The following MEOX2 variants were observed in gnomAD, a reference collection of about 807,000 sequenced individuals.
The protein encoded by MEOX2 is homeobox protein MOX-2.
Under a neutral mutation model 27.0 loss-of-function variants are expected in MEOX2, and 11 were observed. The observed-to-expected ratio is 0.41, with a 90% confidence interval of 0.26 to 0.68. MEOX2 has a LOEUF of 0.68. MEOX2 is among the 30% of genes least tolerant of loss of function. The pLI, the probability that MEOX2 is intolerant of heterozygous loss-of-function variation, is 0.33. For synonymous variants in MEOX2, 189 were observed against 155.4 expected, an observed-to-expected ratio of 1.22 and a Z score of -1.61; for missense variants, 436 against 385.4, an observed-to-expected ratio of 1.13 and a Z score of -1.10.
intron 2 of MEOX2, among the ~76,000 whole-genome samples, chr7:15,618,087 A>G (rs959066858): frequency 6.6e-6 from 1 of 152,024 alleles, no homozygotes; most frequent in African/African-American, 2.4e-5. Context: ...TTCACATGAT[A>G]AAGCAAAGTG....
chr7:15,676,315 A>C (rs1478354973), intron 1 of MEOX2, among the ~76,000 whole-genome samples: 2 of 152,204 alleles, frequency 1.3e-5, no homozygotes, highest in African/African-American at 4.8e-5. Context: ...TGTGGGACAT[A>C]CATGTTTTCA....
chr7:15,630,124 C>T (rs1781379068), intron 1 of MEOX2, among the ~76,000 whole-genome samples: 1 of 151,964 alleles, frequency 6.6e-6, no homozygotes, highest in Non-Finnish European at 1.5e-5. Flanking sequence ...TTTAATGCAC[C>T]TGTGGGTCCA....
At chr7:15,639,081 TTTACATTCCCA>T (rs1165620568) in intron 1 of MEOX2, among the ~76,000 whole-genome samples, 1 of 152,122 alleles carries the variant, frequency 6.6e-6, no homozygotes, top group Non-Finnish European at 1.5e-5. Context: ...TATAAGCTAA[TTTACATTCCCA>T]CCAACGGTGT....
At chr7:15,623,635 G>T (rs1306106940) in intron 2 of MEOX2, among the ~76,000 whole-genome samples, 1 of 152,184 alleles carries the variant, frequency 6.6e-6, no homozygotes, top group African/African-American at 2.4e-5. Context: ...TTCCCAAAGT[G>T]CTGGGACAAG....
chr7:15,621,782 G>A (rs1252693707), intron 2 of MEOX2, among the ~76,000 whole-genome samples: 1 of 152,158 alleles, frequency 6.6e-6, no homozygotes, highest in African/African-American at 2.4e-5. Flanking sequence ...AGTTCTGATT[G>A]TAAAGTAAGT....
At chr7:15,625,947 A>G (rs1781296733) in intron 2 of MEOX2, among the ~76,000 whole-genome samples, 1 of 152,200 alleles carries the variant, frequency 6.6e-6, no homozygotes. Context: ...CTGAGTGGGT[A>G]GCAGAATTTT....
intron 1 of MEOX2, among the ~76,000 whole-genome samples, chr7:15,632,937 G>T (rs1781424708): frequency 6.6e-6 from 1 of 151,896 alleles, no homozygotes; most frequent in South Asian, 2.1e-4. Flanking sequence ...ACTTCTCAAA[G>T]GTCATCATTT....
intron 1 of MEOX2, among the ~76,000 whole-genome samples, chr7:15,645,459 T>C (rs1781626559): frequency 1.3e-5 from 2 of 152,194 alleles, no homozygotes; most frequent in South Asian, 4.1e-4. Flanking sequence ...AGACATGGGC[T>C]CATACCAGTG....
At chr7:15,618,415 TTCTGAG>T (rs1781157663) in intron 2 of MEOX2, among the ~76,000 whole-genome samples, 1 of 152,044 alleles carries the variant, frequency 6.6e-6, no homozygotes, top group Non-Finnish European at 1.5e-5. Context: ...AATTTGTATA[TTCTGAG>T]CCACTACTTC....
intron 1 of MEOX2, among the ~76,000 whole-genome samples, chr7:15,660,939 G>C (rs1310701132): frequency 6.8e-6 from 1 of 148,138 alleles, no homozygotes; most frequent in Admixed American, 6.8e-5. Flanking sequence ...CTTGAACTCG[G>C]GAGGTGGATG....
In MEOX2 at chr7:15,662,131, G is replaced by T. The variant is rs1365075239; in HGVS notation, c.517+23755C>A. On this transcript the variant is annotated intron_variant, in intron 1 of 2. Coordinates refer to ENST00000262041, the MANE Select transcript of MEOX2 (RefSeq NM_005924.5). ...TACTGGTGTTGACTAGGAAAATCTC[G>T]AACAGAAAATTAGCACTACTACTGC... Among the ~76,000 whole-genome samples, 3 of 131,318 alleles carry T rather than the reference G, an allele frequency of 2.3e-5. No homozygotes were observed. In the East Asian group the frequency reaches 6.7e-4, roughly 29 times the overall value. 86.1% of individuals were successfully genotyped at this position (131,318 alleles called of 152,430 possible).
At chr7:15,642,157 T>C (rs1291324311) in intron 1 of MEOX2, among the ~76,000 whole-genome samples, 2 of 152,178 alleles carry the variant, frequency 1.3e-5, no homozygotes, top group Admixed American at 1.3e-4. Flanking sequence ...TATTTACCTC[T>C]CTAGCAATAT....
At chr7:15,670,579 T>C (rs958134824) in intron 1 of MEOX2, among the ~76,000 whole-genome samples, 2 of 152,224 alleles carry the variant, frequency 1.3e-5, no homozygotes, top group Non-Finnish European at 2.9e-5. Context: ...TAGCCACATA[T>C]ATCTATTGAG....
At chr7:15,684,662 A>AT (rs1315474691) in intron 1 of MEOX2, among the ~76,000 whole-genome samples, 1 of 152,146 alleles carries the variant, frequency 6.6e-6, no homozygotes, top group Non-Finnish European at 1.5e-5. Context: ...CACGATCAAC[A>AT]TTTTTCCAAT....
intron 1 of MEOX2, among the ~76,000 whole-genome samples, chr7:15,673,327 G>T (rs1473352954): frequency 6.6e-6 from 1 of 151,652 alleles, no homozygotes; most frequent in Non-Finnish European, 1.5e-5. Context: ...AGTGTAGGGA[G>T]GTAGTGATCT....
At position 15,611,583 on chromosome 7, in the gene MEOX2, T is replaced by C. The variant is rs2115350237; in HGVS notation, c.*804A>G. The C allele has an allele frequency of 6.5e-6, 1 of 152,774 alleles. No homozygotes were observed. Among genetic ancestry groups the C allele is most frequent in the South Asian group, 2.1e-4 (1 of 4,832 alleles). 9.5% of individuals were successfully genotyped at this position (152,774 alleles called of 1,614,324 possible). A position where few individuals can be genotyped will look rare whatever the true frequency, so the allele number is the denominator to read the frequency against. Reference sequence around the variant, plus strand: ...TTCAGGAGCTAGGTAAGTTTTATAATAACGTATTAGCAGCAGTTGATAGTA... The same window carrying C: ...TTCAGGAGCTAGGTAAGTTTTATAACAACGTATTAGCAGCAGTTGATAGTA... On this transcript the variant is annotated 3_prime_UTR_variant, in exon 3 of 3. Transcript: ENST00000262041.
intron 1 of MEOX2, among the ~76,000 whole-genome samples, chr7:15,649,131 C>A (rs955635879): frequency 1.3e-5 from 2 of 152,048 alleles, no homozygotes; most frequent in African/African-American, 4.8e-5. Context: ...ATATGCTGAT[C>A]TTTTCTATAA....
At chr7:15,671,837 A>C (rs1011498989) in intron 1 of MEOX2, among the ~76,000 whole-genome samples, 4 of 152,128 alleles carry the variant, frequency 2.6e-5, no homozygotes, top group Non-Finnish European at 5.9e-5. Context: ...AGTGCTTATC[A>C]CTTGAGGTCA....
chr7:15,661,521 A>G (rs1193238785), intron 1 of MEOX2, among the ~76,000 whole-genome samples: 2 of 152,192 alleles, frequency 1.3e-5, no homozygotes, highest in African/African-American at 4.8e-5. Flanking sequence ...CACTTTGCCA[A>G]TGGGAGGGAC....
Sources: gnomAD v4.1 joint callset for allele counts (sites outside exome capture counted in the v4.1 genomes callset) on GRCh38, gnomAD v4.1.1 for gene constraint, MANE v1.5 for transcripts, NCBI Gene and HGNC (gene_info 2026-07-23, HGNC 2026-07-21) for gene names.